Variants in TTC7B observed in about 807,000 individuals in gnomAD.
The protein encoded by TTC7B is tetratricopeptide repeat domain 7B.
Under a neutral mutation model 106.8 loss-of-function variants are expected in TTC7B, and 28 were observed. The ratio of observed to expected loss-of-function variants is 0.26; its 90% confidence interval spans 0.19 to 0.36. The LOEUF is 0.36. Among genes scored for constraint, TTC7B ranks in the 10% least tolerant of loss-of-function variants. The pLI is 1.00. For synonymous variants in TTC7B, 405 were observed against 430.6 expected (o/e 0.94, Z 0.74); for missense variants, 862 against 1,076.4 (o/e 0.80, Z 2.79).
intron 15 of TTC7B, among the ~76,000 whole-genome samples, chr14:90,620,616 T>C (rs1893272540): frequency 6.6e-6 from 1 of 152,138 alleles, no homozygotes; most frequent in South Asian, 2.1e-4. Flanking sequence ...CTGCACAGGC[T>C]GGAGCTCTCT....
At chr14:90,572,228 A>G (rs931666492) in intron 19 of TTC7B, among the ~76,000 whole-genome samples, 1 of 152,228 alleles carries the variant, frequency 6.6e-6, no homozygotes, top group Admixed American at 6.5e-5. Flanking sequence ...ACAAGCATGT[A>G]AACTGGAAGA....
intron 19 of TTC7B, among the ~76,000 whole-genome samples, chr14:90,572,402 A>G (rs1891069481): frequency 6.6e-6 from 1 of 152,178 alleles, no homozygotes; most frequent in African/African-American, 2.4e-5. Context: ...TGCACCTCAC[A>G]TCGTGGGGCC....
intron 5 of TTC7B, among the ~76,000 whole-genome samples, chr14:90,723,771 G>T (rs990817015): frequency 3.9e-4 from 59 of 152,100 alleles, no homozygotes; most frequent in African/African-American, 1.4e-3. Context: ...AATTATATAT[G>T]ACCAGTACTT....
chr14:90,665,669 CT>C (rs1189502926), intron 9 of TTC7B, among the ~76,000 whole-genome samples: 1 of 152,176 alleles, frequency 6.6e-6, no homozygotes, highest in Non-Finnish European at 1.5e-5. Flanking sequence ...CAAATTTAGC[CT>C]GAAGTCTACG....
intron 3 of TTC7B, chr14:90,766,757 A>G (rs746178349): frequency 6.4e-6 from 10 of 1,568,826 alleles, no homozygotes; most frequent in Non-Finnish European, 7.0e-6. Flanking sequence ...AATCCATGCC[A>G]GTACAAGATC....
chr14:90,704,181 G>T (rs1001801379), intron 5 of TTC7B, among the ~76,000 whole-genome samples: 2 of 152,202 alleles, frequency 1.3e-5, no homozygotes, highest in African/African-American at 4.8e-5. Context: ...TGAATCCTCC[G>T]CCTTTCCCCA....
intron 19 of TTC7B, among the ~76,000 whole-genome samples, chr14:90,557,785 T>C (rs1389153722): frequency 6.6e-6 from 1 of 152,220 alleles, no homozygotes; most frequent in Non-Finnish European, 1.5e-5. Flanking sequence ...CAGCCCAACT[T>C]TCTCCCTGAC....
intron 19 of TTC7B, among the ~76,000 whole-genome samples, chr14:90,545,395 G>A (rs1238907420): frequency 1.3e-5 from 2 of 152,184 alleles, no homozygotes; most frequent in African/African-American, 4.8e-5. Flanking sequence ...ATGTTATGAT[G>A]GGGAAATTGC....
intron 13 of TTC7B, chr14:90,648,372 A>G (rs1020974764): frequency 3.3e-5 from 5 of 151,900 alleles, no homozygotes; most frequent in Non-Finnish European, 5.9e-5. Flanking sequence ...TCTTTTTCAG[A>G]CAGGGTCTTA....
rs1251890459 is a variant in TTC7B, at chr14:90,567,047, G to A, written c.2310+11059C>T. ...ATTTGAAAGGGGAAGGCGGGGGCGGGGAGGGGTGGTCTCCAGGGCCAGGGC... is the reference window on the plus strand; with the variant it reads ...ATTTGAAAGGGGAAGGCGGGGGCGGAGAGGGGTGGTCTCCAGGGCCAGGGC... On this transcript the variant is annotated intron_variant, in intron 19 of 19. Transcript: ENST00000328459. Among the ~76,000 whole-genome samples the A allele has an allele frequency of 1.3e-5, 2 of 152,080 alleles. 1 individual carries two copies. The highest frequency in any genetic ancestry group is 2.9e-5 in the Non-Finnish European group (2 of 68,026).
chr14:90,605,779 A>C (rs1374603696), intron 17 of TTC7B: 1 of 1,238,088 alleles, frequency 8.1e-7, no homozygotes, highest in Non-Finnish European at 1.0e-6. Flanking sequence ...GAAAGAGAAA[A>C]AAAGGGTGAA....
intron 19 of TTC7B, among the ~76,000 whole-genome samples, chr14:90,542,774 G>T (rs906505529): frequency 6.6e-6 from 1 of 152,168 alleles, no homozygotes; most frequent in Non-Finnish European, 1.5e-5. Context: ...TGTCCCCCAT[G>T]AGCTCCTTTT....
intron 1 of TTC7B, among the ~76,000 whole-genome samples, chr14:90,806,311 G>A (rs910415683): frequency 9.2e-5 from 14 of 152,320 alleles, no homozygotes; most frequent in East Asian, 7.7e-4. Flanking sequence ...GCTGAAGCCC[G>A]TGTTCTGCAC....
At chr14:90,690,627 A>C (rs181413077) in intron 6 of TTC7B, among the ~76,000 whole-genome samples, 140 of 152,332 alleles carry the variant, frequency 9.2e-4, no homozygotes, top group South Asian at 5.8e-3. Flanking sequence ...CTGAAAAGAG[A>C]AGCACTGCAT....
chr14:90,800,913 C>T (rs1040691968), intron 1 of TTC7B, among the ~76,000 whole-genome samples: 6 of 150,764 alleles, frequency 4.0e-5, no homozygotes, highest in East Asian at 2.0e-4. Context: ...CAGCCAGGCA[C>T]GATGGCTCAC....
chr14:90,786,306 G>A lies in TTC7B; in HGVS notation c.144C>T (p.Leu48=), dbSNP rs61742122. 4,284 of 1,613,310 alleles carry A rather than the reference G, an allele frequency of 2.7e-3. 81 individuals carry two copies. In the African/African-American group the frequency reaches 0.046, roughly 17 times the overall value. Residue 48 remains leucine (L), a synonymous_variant, in exon 2 of 20, where the codon CTC becomes CTT. Transcript: ENST00000328459. ...IANDDMAELL[L]GESKLEQYLK... is the part of the protein sequence containing the mutation. ...GGTACTGCTCCAGCTTCGACTCCCCGAGGAGAAGCTCTGCCATGTCATCTA... is the reference window on the plus strand; with the variant it reads ...GGTACTGCTCCAGCTTCGACTCCCCAAGGAGAAGCTCTGCCATGTCATCTA...
intron 9 of TTC7B, among the ~76,000 whole-genome samples, chr14:90,659,118 G>T (rs946598050): frequency 1.3e-5 from 2 of 152,200 alleles, no homozygotes; most frequent in Admixed American, 6.5e-5. Flanking sequence ...AGCATGCGGG[G>T]ACTGGGGAGG....
intron 15 of TTC7B, among the ~76,000 whole-genome samples, chr14:90,621,786 T>G (rs1647496347): frequency 6.6e-6 from 1 of 152,170 alleles, no homozygotes; most frequent in South Asian, 2.1e-4. Flanking sequence ...AAAACAATAC[T>G]GAAAACAAGC....
At chr14:90,729,984 T>C in intron 5 of TTC7B, 91 bp downstream of exon 5, 2 of 1,330,672 alleles carry the variant, frequency 1.5e-6, no homozygotes, top group East Asian at 5.2e-5. Flanking sequence ...TTAAAATTCC[T>C]TTATTATAAT....
Sources: allele counts gnomAD v4.1 joint callset (sites outside exome capture counted in the v4.1 genomes callset), GRCh38; gene constraint gnomAD v4.1.1; transcripts MANE v1.5; gene names NCBI Gene and HGNC (gene_info 2026-07-23, HGNC 2026-07-21).